CDH12: variants seen among roughly 807,000 people sequenced by gnomAD.
CDH12 encodes the protein cadherin-12.
In CDH12, 41 loss-of-function variants were observed where a neutral mutation model predicts 74.1. The ratio of observed to expected loss-of-function variants is 0.55; its 90% CI spans 0.43 to 0.72. The LOEUF (loss-of-function observed/expected upper bound fraction) is 0.72. Ranked by LOEUF, CDH12 falls within the 30% of genes least tolerant of loss-of-function variation. CDH12 has a pLI of 0.00. For synonymous variants in CDH12, 399 were observed against 355.0 expected, an observed-to-expected ratio of 1.12 and a Z score of -1.39; for missense variants, 945 against 977.2, an observed-to-expected ratio of 0.97 and a Z score of 0.44.
intron 3 of CDH12, among the ~76,000 whole-genome samples, chr5:22,256,314 A>C (rs1315116183): frequency 1.3e-5 from 2 of 152,136 alleles, no homozygotes; most frequent in African/African-American, 4.8e-5. Context: ...AAAGGAGATA[A>C]AAATTTATAT....
At chr5:22,544,588 G>A (rs1738238212) in intron 1 of CDH12, among the ~76,000 whole-genome samples, 1 of 152,052 alleles carries the variant, frequency 6.6e-6, no homozygotes, top group Admixed American at 6.6e-5. Flanking sequence ...GGCCGAGGTG[G>A]GAGAATTGTT....
At chr5:22,046,440 T>TC (rs1739960184) in intron 5 of CDH12, among the ~76,000 whole-genome samples, 1 of 145,946 alleles carries the variant, frequency 6.9e-6, no homozygotes, top group East Asian at 2.0e-4. Flanking sequence ...CTTTTTTTTT[T>TC]TTTTTTTTTT....
At chr5:21,824,751 C>T (rs1748564806) in intron 8 of CDH12, among the ~76,000 whole-genome samples, 1 of 152,134 alleles carries the variant, frequency 6.6e-6, no homozygotes, top group Non-Finnish European at 1.5e-5. Flanking sequence ...AAGGACAATC[C>T]TACCACTCAC....
chr5:22,239,677 A>G (rs943301790), intron 3 of CDH12, among the ~76,000 whole-genome samples: 2 of 152,152 alleles, frequency 1.3e-5, no homozygotes, highest in Non-Finnish European at 2.9e-5. Context: ...TGTTGAGGAA[A>G]TTAAACTGTA....
intron 4 of CDH12, among the ~76,000 whole-genome samples, chr5:22,097,173 C>A (rs1191677443): frequency 6.6e-6 from 1 of 152,282 alleles, no homozygotes; most frequent in East Asian, 1.9e-4. Context: ...AGGATTCCTC[C>A]TAAGCTGTGT....
chr5:22,784,326 CTGT>C (rs1747524035), intron 1 of CDH12, among the ~76,000 whole-genome samples: 1 of 152,144 alleles, frequency 6.6e-6, no homozygotes, highest in South Asian at 2.1e-4. Flanking sequence ...GAGTAAACCT[CTGT>C]CCTGACTCCA....
At chr5:22,635,211 T>A (rs1738777237) in intron 1 of CDH12, among the ~76,000 whole-genome samples, 1 of 152,176 alleles carries the variant, frequency 6.6e-6, no homozygotes, top group African/African-American at 2.4e-5. Context: ...GTTTATCCAA[T>A]TTTGACAAGA....
chr5:22,703,931 G>C (rs914557470), intron 1 of CDH12, among the ~76,000 whole-genome samples: 1 of 152,014 alleles, frequency 6.6e-6, no homozygotes, highest in Non-Finnish European at 1.5e-5. Flanking sequence ...AATAGTTAAG[G>C]TTAACATAAT....
chr5:22,236,848 C>T (rs1160817833), intron 3 of CDH12, among the ~76,000 whole-genome samples: 7 of 152,076 alleles, frequency 4.6e-5, no homozygotes, highest in Admixed American at 4.6e-4. Context: ...ACATCTTGGT[C>T]CACTGGAAGG....
intron 1 of CDH12, among the ~76,000 whole-genome samples, chr5:22,779,913 T>C (rs1747301422): frequency 6.6e-6 from 1 of 152,116 alleles, no homozygotes; most frequent in South Asian, 2.1e-4. Flanking sequence ...TTTTCACCTT[T>C]ATATCCCTAG....
At chr5:21,883,036 A>G (rs2150035146) in intron 6 of CDH12, 1 of 1,610,320 alleles carries the variant, frequency 6.2e-7, no homozygotes, top group Non-Finnish European at 8.5e-7. Context: ...TTAGCTGTTG[A>G]TGCTGTAATT....
intron 6 of CDH12, among the ~76,000 whole-genome samples, chr5:21,902,664 C>G (rs1384246743): frequency 6.6e-6 from 1 of 152,166 alleles, no homozygotes; most frequent in Non-Finnish European, 1.5e-5. Flanking sequence ...GAAATGTTCT[C>G]TATCTGCTCT....
At chr5:22,334,213 T>TA (rs149870318) in intron 3 of CDH12, among the ~76,000 whole-genome samples, 6,570 of 151,352 alleles carry the variant, frequency 0.043, 284 homozygotes, top group African/African-American at 0.11. Context: ...GTAAGCAATC[T>TA]AAAAAAAAGA....
chr5:22,412,133 A>G (rs1263657951), intron 2 of CDH12, among the ~76,000 whole-genome samples: 3 of 151,992 alleles, frequency 2.0e-5, no homozygotes, highest in Non-Finnish European at 2.9e-5. Context: ...AAATAGCAGT[A>G]TTCATGCCAT....
chr5:22,346,421 A>G (rs1251724801), intron 3 of CDH12, among the ~76,000 whole-genome samples: 1 of 152,134 alleles, frequency 6.6e-6, no homozygotes, highest in Non-Finnish European at 1.5e-5. Context: ...TAATTGGTTC[A>G]TTGTGGCCCA....
intron 6 of CDH12, among the ~76,000 whole-genome samples, chr5:21,856,771 T>G (rs966321890): frequency 6.6e-6 from 1 of 151,830 alleles, no homozygotes; most frequent in Non-Finnish European, 1.5e-5. Flanking sequence ...CAAATATTTT[T>G]TCATAAAACC....
chr5:22,845,429 T>A (rs116388841), intron 1 of CDH12, among the ~76,000 whole-genome samples: 1 of 152,306 alleles, frequency 6.6e-6, no homozygotes, highest in Non-Finnish European at 1.5e-5. Flanking sequence ...GGCATACTTT[T>A]GGGTGAATTT....
chr5:21,780,208 G>T (rs1289717530), intron 11 of CDH12, among the ~76,000 whole-genome samples: 1 of 152,172 alleles, frequency 6.6e-6, no homozygotes, highest in Non-Finnish European at 1.5e-5. Flanking sequence ...ACTGTAGCCA[G>T]CAGCTGGTAG....
At chr5:21,902,479 T>C (rs1467724595) in intron 6 of CDH12, among the ~76,000 whole-genome samples, 1 of 152,068 alleles carries the variant, frequency 6.6e-6, no homozygotes, top group Non-Finnish European at 1.5e-5. Flanking sequence ...TAATGCAGAA[T>C]CCATGGTTTA....
Sources: gnomAD v4.1 joint callset for allele counts (sites outside exome capture counted in the v4.1 genomes callset) on GRCh38, gnomAD v4.1.1 for gene constraint, MANE v1.5 for transcripts, NCBI Gene and HGNC (gene_info 2026-07-23, HGNC 2026-07-21) for gene names.